Variants in SNCAIP observed in about 807,000 individuals in gnomAD.
SNCAIP encodes synuclein alpha interacting protein, also known as synphilin-1.
In SNCAIP, 43 loss-of-function variants were observed where a neutral mutation model predicts 86.7. The ratio of observed to expected loss-of-function variants is 0.50; its 90% CI spans 0.39 to 0.64. The LOEUF (loss-of-function observed/expected upper bound fraction) is 0.64, where lower values mean the gene tolerates loss of function less well. SNCAIP is among the 30% of genes least tolerant of loss of function. The pLI is 0.00. For synonymous variants in SNCAIP, 417 were observed against 427.2 expected (o/e 0.98, Z 0.29); for missense variants, 981 against 1,103.1 (o/e 0.89, Z 1.57).
chr5:122,362,887 T>C (rs919410403), intron 1 of SNCAIP, among the ~76,000 whole-genome samples: 3 of 152,058 alleles, frequency 2.0e-5, no homozygotes, highest in Non-Finnish European at 4.4e-5. Context: ...AAAAGTTCCA[T>C]AGGGGCTTAA....
intron 1 of SNCAIP, among the ~76,000 whole-genome samples, chr5:122,374,090 A>G (rs1236503416): frequency 6.6e-6 from 1 of 152,060 alleles, no homozygotes; most frequent in Non-Finnish European, 1.5e-5. Flanking sequence ...GTTCTGATTG[A>G]TATTCTTTCT....
chr5:122,341,363 A>G (rs929893308), intron 1 of SNCAIP, among the ~76,000 whole-genome samples: 1 of 152,250 alleles, frequency 6.6e-6, no homozygotes, highest in Non-Finnish European at 1.5e-5. Flanking sequence ...TTTCTAACAA[A>G]TACATAAAAA....
chr5:122,453,489 A>G (rs541837135), intron 10 of SNCAIP, among the ~76,000 whole-genome samples: 1 of 152,320 alleles, frequency 6.6e-6, no homozygotes, highest in East Asian at 1.9e-4. Flanking sequence ...CTGTGTTAGC[A>G]TTATGAACAC....
intron 1 of SNCAIP, among the ~76,000 whole-genome samples, chr5:122,315,184 A>G (rs1028071135): frequency 5.9e-5 from 9 of 152,168 alleles, no homozygotes; most frequent in Non-Finnish European, 1.3e-4. Context: ...TTCTTCTGCT[A>G]TTCTTAGTTA....
chr5:122,369,379 T>C (rs1162781924), intron 1 of SNCAIP, among the ~76,000 whole-genome samples: 2 of 152,202 alleles, frequency 1.3e-5, no homozygotes, highest in Non-Finnish European at 2.9e-5. Context: ...TCAAAATCTT[T>C]AATATTCGAA....
intron 1 of SNCAIP, among the ~76,000 whole-genome samples, chr5:122,381,708 C>T (rs1414724839): frequency 2.6e-5 from 4 of 151,778 alleles, no homozygotes; most frequent in Non-Finnish European, 5.9e-5. Flanking sequence ...TTTAGCGGTT[C>T]CTTCAGGAGC....
chr5:122,314,909 C>T (rs1241163708), intron 1 of SNCAIP, among the ~76,000 whole-genome samples: 2 of 152,018 alleles, frequency 1.3e-5, no homozygotes, highest in African/African-American at 2.4e-5. Flanking sequence ...ATAGTCTTTT[C>T]GTAAGGAACA....
intron 4 of SNCAIP, among the ~76,000 whole-genome samples, chr5:122,424,036 G>A (rs1260060661): frequency 1.3e-5 from 2 of 152,178 alleles, no homozygotes; most frequent in African/African-American, 4.8e-5. Flanking sequence ...GAATCTCAAT[G>A]TCTTTCTTTT....
At chr5:122,399,132 C>T (rs1170465677) in intron 2 of SNCAIP, among the ~76,000 whole-genome samples, 1 of 152,128 alleles carries the variant, frequency 6.6e-6, no homozygotes, top group African/African-American at 2.4e-5. Flanking sequence ...CTTCCCGCCT[C>T]ATTAGTTCTC....
At chr5:122,366,912 G>A (rs1309283518) in intron 1 of SNCAIP, among the ~76,000 whole-genome samples, 2 of 152,108 alleles carry the variant, frequency 1.3e-5, no homozygotes, top group African/African-American at 2.4e-5. Flanking sequence ...TAATTTATTT[G>A]CCTTCGTCTT....
chr5:122,395,437 G>T (rs1049175720), intron 2 of SNCAIP, among the ~76,000 whole-genome samples: 2 of 152,122 alleles, frequency 1.3e-5, no homozygotes, highest in Non-Finnish European at 2.9e-5. Flanking sequence ...TTTTTGTACA[G>T]GTCAAATGAG....
At chr5:122,387,309 C>T (rs1051056100) in intron 1 of SNCAIP, among the ~76,000 whole-genome samples, 1 of 152,118 alleles carries the variant, frequency 6.6e-6, no homozygotes, top group African/African-American at 2.4e-5. Flanking sequence ...CAGGCGCCCA[C>T]CACCACGCCC....
rs1768021365 is a variant in SNCAIP, at chr5:122,385,839, A to T, written c.-46-5250A>T. ...GTACTCTGCTCATTTATTTTGACAAATCCAACTTACTTTTAATTACCAGGC... is the reference window on the plus strand; with the variant it reads ...GTACTCTGCTCATTTATTTTGACAATTCCAACTTACTTTTAATTACCAGGC... On this transcript the variant is annotated intron_variant, in intron 1 of 10. Coordinates refer to ENST00000261368, the MANE Select transcript of SNCAIP (RefSeq NM_005460.4). Among the ~76,000 whole-genome samples, 2 of 152,108 alleles carry T rather than the reference A, an allele frequency of 1.3e-5. 1 individual carries two copies. The highest frequency in any genetic ancestry group is 4.2e-4 in the South Asian group (2 of 4,816).
chr5:122,383,189 C>G (rs1489905647), intron 1 of SNCAIP, among the ~76,000 whole-genome samples: 6 of 152,126 alleles, frequency 3.9e-5, no homozygotes, highest in Admixed American at 6.5e-5. Flanking sequence ...TAGCAATCAG[C>G]GAGACTCCGT....
chr5:122,393,421 C>T (rs1379981932), intron 2 of SNCAIP, among the ~76,000 whole-genome samples: 1 of 152,078 alleles, frequency 6.6e-6, no homozygotes, highest in African/African-American at 2.4e-5. Flanking sequence ...TGTAATTTGT[C>T]CAGGGTCACC....
intron 1 of SNCAIP, among the ~76,000 whole-genome samples, chr5:122,327,766 G>A: frequency 6.6e-6 from 1 of 152,172 alleles, no homozygotes; most frequent in Non-Finnish European, 1.5e-5. Flanking sequence ...GACTTATATA[G>A]GTACATTTCT....
intron 10 of SNCAIP, among the ~76,000 whole-genome samples, chr5:122,460,031 T>G (rs1785766519): frequency 6.6e-6 from 1 of 152,194 alleles, no homozygotes; most frequent in South Asian, 2.1e-4. Flanking sequence ...TTATAAACAC[T>G]TATAAAGCAC....
At chr5:122,367,431 G>C (rs1031412153) in intron 1 of SNCAIP, among the ~76,000 whole-genome samples, 1 of 152,150 alleles carries the variant, frequency 6.6e-6, no homozygotes, top group Admixed American at 6.5e-5. Flanking sequence ...TGAGAGTTTG[G>C]ATAAGACGAG....
chr5:122,334,647 A>G (rs1209995854), intron 1 of SNCAIP, among the ~76,000 whole-genome samples: 16 of 152,236 alleles, frequency 1.1e-4, no homozygotes, highest in Admixed American at 1.0e-3. Flanking sequence ...AAAGCATTTT[A>G]ACAGCAAAGC....
Sources: gnomAD v4.1 joint callset for allele counts (sites outside exome capture counted in the v4.1 genomes callset) on GRCh38, gnomAD v4.1.1 for gene constraint, MANE v1.5 for transcripts, NCBI Gene and HGNC (gene_info 2026-07-23, HGNC 2026-07-21) for gene names.